Variants in PDE1C observed in about 807,000 individuals in gnomAD.
PDE1C encodes the protein phosphodiesterase 1C.
A neutral mutation model predicts 93.1 loss-of-function variants in PDE1C; 62 were observed. The observed-to-expected ratio is 0.67, with a 90% CI of 0.54 to 0.82. The LOEUF is 0.82. Ranked by LOEUF, PDE1C falls within the 40% of genes least tolerant of loss-of-function variation. PDE1C has a pLI of 0.00. For synonymous variants in PDE1C, 325 were observed against 310.1 expected (o/e 1.05, Z -0.50); for missense variants, 742 against 884.6 (o/e 0.84, Z 2.04).
intron 3 of PDE1C, among the ~76,000 whole-genome samples, chr7:32,096,221 T>C (rs969329647): frequency 2.6e-5 from 4 of 152,194 alleles, no homozygotes; most frequent in African/African-American, 9.7e-5. Flanking sequence ...CCAGTATAAC[T>C]TTGGGAACTG....
upstream of PDE1C, among the ~76,000 whole-genome samples, chr7:32,075,429 A>G (rs1284289799): frequency 1.3e-5 from 2 of 151,938 alleles, no homozygotes; most frequent in Non-Finnish European, 2.9e-5. Flanking sequence ...GGCGGCCCCC[A>G]CAATGTTCTG....
At chr7:31,934,234 G>T (rs551920389) in intron 2 of PDE1C, among the ~76,000 whole-genome samples, 2 of 152,284 alleles carry the variant, frequency 1.3e-5, no homozygotes, top group South Asian at 2.1e-4. Context: ...AGTAAGAAAA[G>T]AGATGCTATA....
chr7:31,758,740 C>T (rs1157541199), intron 17 of PDE1C, among the ~76,000 whole-genome samples: 1 of 152,036 alleles, frequency 6.6e-6, no homozygotes, highest in East Asian at 1.9e-4. Context: ...TTAGGGTAAA[C>T]AAGAAATTAT....
At chr7:31,855,379 T>C (rs972348403) in intron 7 of PDE1C, among the ~76,000 whole-genome samples, 1 of 152,142 alleles carries the variant, frequency 6.6e-6, no homozygotes, top group African/African-American at 2.4e-5. Flanking sequence ...TTGATGAACT[T>C]GTGTGATTAC....
chr7:31,674,568 A>G, the PDE1C span, among the ~76,000 whole-genome samples: 1 of 152,154 alleles, frequency 6.6e-6, no homozygotes, highest in African/African-American at 2.4e-5. Flanking sequence ...TGATATAGAG[A>G]TAGAAAAATT....
chr7:32,361,477 A>G (rs968980984), intron 1 of PDE1C, among the ~76,000 whole-genome samples: 1 of 152,154 alleles, frequency 6.6e-6, no homozygotes, highest in Non-Finnish European at 1.5e-5. Flanking sequence ...AGGTGGCTGA[A>G]TTTTTTAAGC....
At chr7:32,195,284 T>G (rs1282616469) in intron 2 of PDE1C, among the ~76,000 whole-genome samples, 1 of 152,228 alleles carries the variant, frequency 6.6e-6, no homozygotes, top group Non-Finnish European at 1.5e-5. Context: ...TTAGAGAACT[T>G]TCTTTAGATA....
chr7:32,318,163 G>A (rs915980183), intron 1 of PDE1C, among the ~76,000 whole-genome samples: 2 of 152,082 alleles, frequency 1.3e-5, no homozygotes, highest in Non-Finnish European at 2.9e-5. Context: ...TGCTCCTTAA[G>A]CATAAACAAG....
the PDE1C span, among the ~76,000 whole-genome samples, chr7:31,704,399 G>C: frequency 6.6e-6 from 1 of 152,136 alleles, no homozygotes; most frequent in South Asian, 2.1e-4. Flanking sequence ...GGAGACTTTG[G>C]ACTGGCAGTC....
chr7:32,092,698 T>C (rs1297842771), intron 3 of PDE1C, among the ~76,000 whole-genome samples: 1 of 152,198 alleles, frequency 6.6e-6, no homozygotes, highest in Non-Finnish European at 1.5e-5. Flanking sequence ...ACTTACTTGC[T>C]TTCAGGGCTT....
chr7:31,864,909 T>G, intron 7 of PDE1C, 33 bp downstream of exon 7: 1 of 1,601,910 alleles, frequency 6.2e-7, no homozygotes, highest in Non-Finnish European at 8.5e-7. Context: ...CTTACATCTT[T>G]TGGGGAACCT....
intron 2 of PDE1C, among the ~76,000 whole-genome samples, chr7:32,206,273 G>A (rs1422466095): frequency 6.6e-6 from 1 of 152,102 alleles, no homozygotes; most frequent in Non-Finnish European, 1.5e-5. Flanking sequence ...GGATGCAGAG[G>A]AGCAGGGGGA....
At chr7:32,062,808 C>T (rs1220132597) in intron 1 of PDE1C, among the ~76,000 whole-genome samples, 1 of 152,134 alleles carries the variant, frequency 6.6e-6, no homozygotes, top group African/African-American at 2.4e-5. Context: ...ATAGTAAGTG[C>T]CACAGAAATA....
chr7:32,122,186 T>C (rs1374788374), intron 3 of PDE1C, among the ~76,000 whole-genome samples: 2 of 152,222 alleles, frequency 1.3e-5, no homozygotes, highest in Non-Finnish European at 2.9e-5. Context: ...CCTACATATA[T>C]ATGCATCCAA....
At position 31,858,300 on chromosome 7, in the gene PDE1C, T is replaced by C. The variant is rs1033160096; in HGVS notation, c.750+6642A>G. ...TTGTGAGCAGAAGTGATGAGCAGAG[T>C]TTCTGAGCCATAGAATTTAAATACA... On this transcript the variant is annotated intron_variant, in intron 7 of 17. Coordinates refer to ENST00000396191, the MANE Select transcript of PDE1C (RefSeq NM_001191057.4). 2.0e-5 allele frequency among the ~76,000 whole-genome samples: 3 copies of C among 152,036 alleles called. No individual in the cohort carries two copies. In the East Asian group the frequency reaches 5.8e-4, roughly 29 times the overall value.
chr7:32,423,615 A>G (rs1019530297), intron 1 of PDE1C, among the ~76,000 whole-genome samples: 4 of 152,210 alleles, frequency 2.6e-5, no homozygotes, highest in African/African-American at 7.2e-5. Flanking sequence ...AGTGATTTTG[A>G]TAAACACCAA....
intron 2 of PDE1C, among the ~76,000 whole-genome samples, chr7:31,919,707 T>C (rs1403141060): frequency 6.6e-6 from 1 of 152,158 alleles, no homozygotes; most frequent in Non-Finnish European, 1.5e-5. Flanking sequence ...ATAAACACTG[T>C]GTCTTAATGG....
intron 1 of PDE1C, among the ~76,000 whole-genome samples, chr7:32,395,847 C>T (rs187141342): frequency 1.1e-3 from 156 of 141,516 alleles, no homozygotes; most frequent in African/African-American, 3.7e-3. Context: ...AACTTTAAAA[C>T]ACTCCTGATT....
intron 2 of PDE1C, among the ~76,000 whole-genome samples, chr7:32,010,217 G>T (rs79826189): frequency 6.6e-6 from 1 of 152,054 alleles, no homozygotes; most frequent in Non-Finnish European, 1.5e-5. Flanking sequence ...GAACAAAGGG[G>T]AACTAAAACA....
Sources: allele counts gnomAD v4.1 joint callset (sites outside exome capture counted in the v4.1 genomes callset), GRCh38; gene constraint gnomAD v4.1.1; transcripts MANE v1.5; gene names NCBI Gene and HGNC (gene_info 2026-07-23, HGNC 2026-07-21).